The following SNAP91 variants were observed in gnomAD, a reference collection of about 807,000 sequenced individuals.
SNAP91 encodes synaptosome associated protein 91, also known as clathrin coat assembly protein AP180.
A neutral mutation model predicts 100.3 loss-of-function variants in SNAP91; 27 were observed. That is an observed-to-expected ratio of 0.27 (90% CI 0.20 to 0.37). SNAP91 has a LOEUF of 0.37. SNAP91 is among the 10% of genes least tolerant of loss of function. The probability of loss-of-function intolerance (pLI) is 1.00; values close to 1 mark genes in which losing one functional copy is unlikely to be tolerated. For synonymous variants in SNAP91, 404 were observed against 398.6 expected, an observed-to-expected ratio of 1.01 and a Z score of -0.16; for missense variants, 986 against 1,123.7, an observed-to-expected ratio of 0.88 and a Z score of 1.75.
intron 2 of SNAP91, among the ~76,000 whole-genome samples, chr6:83,686,641 A>G (rs1333702951): frequency 6.6e-6 from 1 of 152,254 alleles, no homozygotes; most frequent in African/African-American, 2.4e-5. Context: ...GCTAAATTTC[A>G]AGTGTAATAC....
intron 2 of SNAP91, among the ~76,000 whole-genome samples, chr6:83,699,726 A>T (rs1428144450): frequency 1.3e-5 from 2 of 152,168 alleles, no homozygotes; most frequent in Non-Finnish European, 2.9e-5. Context: ...ACAATGCCAC[A>T]TCTAGACACA....
chr6:83,614,107 T>A (rs540128672), intron 11 of SNAP91, among the ~76,000 whole-genome samples: 1 of 152,226 alleles, frequency 6.6e-6, no homozygotes, highest in African/African-American at 2.4e-5. Flanking sequence ...ATAACAATAA[T>A]CCCTACATAA....
At chr6:83,655,356 T>A (rs2098370840) in intron 7 of SNAP91, among the ~76,000 whole-genome samples, 1 of 152,158 alleles carries the variant, frequency 6.6e-6, no homozygotes, top group African/African-American at 2.4e-5. Context: ...CAGGCTCAGA[T>A]TAAGGGAAGA....
chr6:83,602,011 A>G (rs1305115715), intron 14 of SNAP91, among the ~76,000 whole-genome samples: 3 of 152,188 alleles, frequency 2.0e-5, no homozygotes, highest in Non-Finnish European at 4.4e-5. Context: ...AAAAAAGTAG[A>G]AATTTCACTT....
Position 83,582,324 on chromosome 6 carries a change from A to G in SNAP91, c.2047T>C (p.Ser683Pro). 2.5e-6 allele frequency: 4 copies of G among 1,613,588 alleles called. No homozygotes were observed. The highest frequency in any genetic ancestry group is 1.1e-5 in the South Asian group (1 of 91,034). The change falls in exon 23 of 30, where the codon TCT (serine) becomes CCT (proline). Residue 683 changes from serine (S) to proline (P), a missense_variant. Around this residue, in one of 4 missense-constraint regions of SNAP91, gnomAD observed 575 missense variants for 579.9 expected, o/e 0.99. Transcript: ENST00000369694. The stretch of plus-strand genomic sequence containing the variant: ...TTATTCTGAGCTGGAGTCACTGGAG[A>G]TGGGGAAGGCGCCATGAAAGAACCC... ...FGGSFMAPSP[S>P]PVTPAQNNLL... is the part of the protein sequence containing the mutation.
chr6:83,630,655 A>AT (rs1454889307), intron 8 of SNAP91, among the ~76,000 whole-genome samples: 1 of 151,148 alleles, frequency 6.6e-6, no homozygotes, highest in East Asian at 1.9e-4. Context: ...GCCTTGAATG[A>AT]TTTTTTGTAT....
At chr6:83,591,460 G>A (rs549361005) in intron 21 of SNAP91, among the ~76,000 whole-genome samples, 166 bp from the exon 22 acceptor site, 11 of 152,148 alleles carry the variant, frequency 7.2e-5, no homozygotes, top group South Asian at 2.1e-4. Context: ...TGCTCTGACC[G>A]GTTTATTCTC....
intron 16 of SNAP91, 130 bp from the exon 17 acceptor site, chr6:83,594,611 G>A: frequency 1.7e-6 from 1 of 578,280 alleles, no homozygotes; most frequent in Non-Finnish European, 3.0e-6. Context: ...GCATTTTTAT[G>A]GCCCATGCGC....
intron 2 of SNAP91, among the ~76,000 whole-genome samples, chr6:83,705,221 C>T (rs6900297): frequency 0.082 from 12,432 of 152,072 alleles, 647 homozygotes; most frequent in African/African-American, 0.15. Context: ...AAAAGAAAAA[C>T]CACTAACCAA....
intron 8 of SNAP91, among the ~76,000 whole-genome samples, chr6:83,630,395 A>G (rs1160385215): frequency 2.0e-5 from 3 of 152,004 alleles, no homozygotes; most frequent in East Asian, 1.9e-4. Flanking sequence ...CTCTTTCTCT[A>G]TCTTGCGGAA....
intron 7 of SNAP91, among the ~76,000 whole-genome samples, chr6:83,645,912 G>A (rs1002192500): frequency 6.6e-6 from 1 of 152,166 alleles, no homozygotes; most frequent in Non-Finnish European, 1.5e-5. Context: ...TCAGAGAGCT[G>A]AAAACATGCC....
intron 26 of SNAP91, among the ~76,000 whole-genome samples, chr6:83,571,004 A>G (rs1400312983): frequency 6.6e-6 from 1 of 152,076 alleles, no homozygotes; most frequent in Admixed American, 6.5e-5. Context: ...ATGGTCCTGG[A>G]AAAGCCACAG....
chr6:83,636,108 T>G (rs948970462), intron 8 of SNAP91, among the ~76,000 whole-genome samples: 1 of 152,180 alleles, frequency 6.6e-6, no homozygotes, highest in Non-Finnish European at 1.5e-5. Context: ...GATTTTTTCT[T>G]GTGTTGATCT....
intron 8 of SNAP91, 121 bp downstream of exon 8, chr6:83,640,975 C>A (rs1403458697): frequency 7.4e-6 from 4 of 537,172 alleles, no homozygotes; most frequent in Non-Finnish European, 1.3e-5. Flanking sequence ...TATACTGTGA[C>A]TCCGAGGCAC....
At chr6:83,596,734 A>G (rs1414910436) in intron 16 of SNAP91, among the ~76,000 whole-genome samples, 2 of 147,902 alleles carry the variant, frequency 1.4e-5, no homozygotes, top group Admixed American at 6.9e-5. Flanking sequence ...TACATTATAT[A>G]TATATGTATA....
chr6:83,592,886 C>T, intron 20 of SNAP91, 60 bp downstream of exon 20: 2 of 1,236,754 alleles, frequency 1.6e-6, no homozygotes, highest in African/African-American at 1.5e-5. Context: ...TTATATCCTT[C>T]TCTCTATGCA....
intron 23 of SNAP91, among the ~76,000 whole-genome samples, chr6:83,581,475 A>T (rs1177194511): frequency 6.6e-6 from 1 of 152,222 alleles, no homozygotes; most frequent in Non-Finnish European, 1.5e-5. Flanking sequence ...GCATTTGCAT[A>T]AGATGTTGCT....
chr6:83,601,405 T>A lies in SNAP91; in HGVS notation c.1190A>T (p.Glu397Val), dbSNP rs1373212574. ...TGCAAATGGATCTGAAATCTGTGCT[T>A]CAGAGGGAACAGAGGAAAGTGCAGC... Reference protein sequence around the residue: ...SLAALSSVPSEAQISDPFAPE... With the variant: ...SLAALSSVPSVAQISDPFAPE... The change falls in exon 16 of 30, where the codon GAA becomes GTA. Residue 397 changes from glutamate (E) to valine (V), a missense_variant. Transcript: ENST00000369694. 1.9e-6 allele frequency: 3 copies of A among 1,613,550 alleles called. No individual in the cohort carries two copies. The East Asian group carries it at 6.7e-5, about 36-fold the overall frequency.
intron 2 of SNAP91, among the ~76,000 whole-genome samples, chr6:83,666,880 G>A (rs551444463): frequency 5.3e-5 from 8 of 151,964 alleles, no homozygotes; most frequent in South Asian, 4.2e-4. Context: ...GCTTTAAAAC[G>A]TGAGGTACTT....
Sources: gnomAD v4.1 joint callset for allele counts (sites outside exome capture counted in the v4.1 genomes callset) on GRCh38, gnomAD v4.1.1 for gene constraint, gnomAD v4.1.1 regional missense constraint, MANE v1.5 for transcripts, NCBI Gene and HGNC (gene_info 2026-07-23, HGNC 2026-07-21) for gene names.